MTOR: variants seen among roughly 807,000 people sequenced by gnomAD.
MTOR encodes serine/threonine-protein kinase mTOR.
MTOR carries 70 observed loss-of-function variants against 319.8 expected under a neutral mutation model. The ratio of observed to expected loss-of-function variants is 0.22; its 90% confidence interval spans 0.18 to 0.27. The LOEUF is 0.27. Ranked by LOEUF, MTOR falls within the 10% of genes least tolerant of loss-of-function variation. The pLI, the probability that MTOR is intolerant of heterozygous loss-of-function variation, is 1.00. For synonymous variants in MTOR, 1,183 were observed against 1,211.4 expected, an observed-to-expected ratio of 0.98 and a Z score of 0.49; for missense variants, 1,890 against 3,274.4, an observed-to-expected ratio of 0.58 and a Z score of 10.32.
chr1:11,232,932 T>C, intron 15 of MTOR: 1 of 716,446 alleles, frequency 1.4e-6, no homozygotes, highest in Non-Finnish European at 2.5e-6. Flanking sequence ...TTCTCCACCA[T>C]CATGGTGTGT....
rs1646331576 is a variant in MTOR at position 11,212,108 on chromosome 1, G to A, written c.3561+204C>T. Among the ~76,000 whole-genome samples the A allele has an allele frequency of 6.6e-6, 1 of 152,080 alleles. No homozygotes were observed. Among genetic ancestry groups the A allele is most frequent in the African/African-American group, 2.4e-5 (1 of 41,406 alleles). ...TCTATGAGAGCAAGGACTTTATTCT[G>A]TTTACCGTGTTACCCCCAGAACGGC... is the stretch of plus-strand genomic sequence containing the variant. On this transcript the variant is annotated intron_variant, in intron 23 of 57. Transcript: ENST00000361445. This position sits in a 1 kb window ranked among gnomAD's most constrained non-coding sequence, Gnocchi z 4.1.
At chr1:11,113,072 G>A (rs1051173239) in intron 53 of MTOR, among the ~76,000 whole-genome samples, 155 bp from the exon 54 acceptor site, 4 of 152,142 alleles carry the variant, frequency 2.6e-5, no homozygotes, top group African/African-American at 9.7e-5. Context: ...TAAGTGGGTG[G>A]GTATTAGCAT....
Position 11,146,715 on chromosome 1 carries a change from C to G in MTOR, c.4647G>C (p.Val1549=), listed in dbSNP as rs771934777. Residue 1549 remains valine, a synonymous_variant, in exon 32 of 58, where the codon GTG becomes GTC. Coordinates refer to ENST00000361445, the MANE Select transcript of MTOR (RefSeq NM_004958.4). ...AGAAGAGGTCCTGATGCAGTGCCAGCACAGCTCTATAAAATGCCCCATCAT... is the reference window on the plus strand; with the variant it reads ...AGAAGAGGTCCTGATGCAGTGCCAGGACAGCTCTATAAAATGCCCCATCAT... ...DTHDGAFYRA[V]LALHQDLFSL... 1 of 1,613,980 alleles carries G rather than the reference C, an allele frequency of 6.2e-7. No individual in the cohort carries two copies. The highest frequency in any genetic ancestry group is 1.3e-5 in the African/African-American group (1 of 74,892).
At chr1:11,138,748 T>C (rs993236249) in intron 36 of MTOR, among the ~76,000 whole-genome samples, 2 of 152,200 alleles carry the variant, frequency 1.3e-5, no homozygotes, top group African/African-American at 4.8e-5. Flanking sequence ...TCCAGGCAGA[T>C]TGTTTAAAGA....
chr1:11,124,415 T>A (rs760052948), intron 47 of MTOR, 83 bp downstream of exon 47: 10 of 1,526,062 alleles, frequency 6.6e-6, no homozygotes, highest in African/African-American at 1.4e-5. Flanking sequence ...TTTGTTAAGA[T>A]ATAATACATG....
intron 29 of MTOR, among the ~76,000 whole-genome samples, chr1:11,162,483 C>CA (rs1457089223): frequency 3.3e-5 from 5 of 152,170 alleles, no homozygotes; most frequent in African/African-American, 1.2e-4. Flanking sequence ...ACATAATTGT[C>CA]AGATTCACCA....
At chr1:11,246,247 G>A (rs1355736164) in intron 8 of MTOR, among the ~76,000 whole-genome samples, 1 of 152,184 alleles carries the variant, frequency 6.6e-6, no homozygotes. Context: ...CTGAGCCTTT[G>A]TATCCTGCTG....
intron 30 of MTOR, 67 bp from the exon 31 acceptor site, chr1:11,150,293 G>A: frequency 7.2e-7 from 1 of 1,393,334 alleles, no homozygotes; most frequent in Non-Finnish European, 9.9e-7. Context: ...TTCCTCTCCT[G>A]CCCCTTGGGT....
At chr1:11,245,819 A>G (rs1648734457) in intron 8 of MTOR, among the ~76,000 whole-genome samples, 1 of 152,104 alleles carries the variant, frequency 6.6e-6, no homozygotes, top group Admixed American at 6.6e-5. Flanking sequence ...CTGAGGTGAG[A>G]GGATCGCTTG....
chr1:11,251,651 G>GTTTATTTTTTT (rs1649694947), intron 6 of MTOR, among the ~76,000 whole-genome samples: 1 of 130,822 alleles, frequency 7.6e-6, no homozygotes, highest in African/African-American at 3.0e-5. Flanking sequence ...TATTTAGATA[G>GTTTATTTTTTT]TTTCTTTTTT....
Position 11,107,302 on chromosome 1 carries a change from ATTC to A in MTOR, c.*180_*182del, listed in dbSNP as rs2100275473. 1.9e-5 allele frequency: 28 copies of A among 1,474,686 alleles called. No individual in the cohort carries two copies. Among genetic ancestry groups the A allele is most frequent in the African/African-American group, 2.8e-5 (2 of 70,500 alleles). 91.4% of individuals were successfully genotyped at this position (1,474,686 alleles called of 1,614,324 possible). A position where few individuals can be genotyped will look rare whatever the true frequency, so the allele number is the denominator to read the frequency against. ...TCAAGCCTTGTGTTTCTGACAATAT[ATTC>A]TTCAACAGCAGCTAGAAAGTTGGTT... On this transcript the variant is annotated 3_prime_UTR_variant, in exon 58 of 58. Transcript: ENST00000361445.
At position 11,220,641 on chromosome 1, in the gene MTOR, G is replaced by A. The variant is rs566627429; in HGVS notation, c.3031-4407C>T. ...AGATGGAGGAAGGGGGCCTAGGAAC[G>A]CAGGCACCCTCTAAAACAAGCTTGT... On this transcript the variant is annotated intron_variant, in intron 19 of 57. Coordinates refer to ENST00000361445, the MANE Select transcript of MTOR (RefSeq NM_004958.4). Among the ~76,000 whole-genome samples, 86 of 152,272 alleles carry A rather than the reference G, an allele frequency of 5.6e-4. 1 individual carries two copies. Among genetic ancestry groups the A allele is most frequent in the African/African-American group, 2.0e-3 (83 of 41,556 alleles).
In MTOR at chr1:11,133,870, G is replaced by A. The variant is rs948041005; in HGVS notation, c.5246+481C>T. ...AGCACAGGAGTTTGAGACCAGCCTG[G>A]GCAACATTAAACTTGTAGGAGGAAA... On this transcript the variant is annotated intron_variant, in intron 37 of 57. Coordinates refer to ENST00000361445, the MANE Select transcript of MTOR (RefSeq NM_004958.4). The surrounding 1 kb of genome is among the most constrained non-coding windows in gnomAD (Gnocchi z 4.0). Among the ~76,000 whole-genome samples, 1 of 152,112 alleles carries A rather than the reference G, an allele frequency of 6.6e-6. No individual in the cohort carries two copies.
At chr1:11,111,342 A>G (rs576268904) in intron 54 of MTOR, among the ~76,000 whole-genome samples, 33 of 152,138 alleles carry the variant, frequency 2.2e-4, no homozygotes, top group South Asian at 6.2e-4. Flanking sequence ...TTAGCTGAGC[A>G]TGGTGGCATG....
intron 19 of MTOR, among the ~76,000 whole-genome samples, chr1:11,216,653 TAA>T (rs34042645): frequency 2.9e-3 from 383 of 134,000 alleles, no homozygotes; most frequent in Middle Eastern, 7.4e-3. Flanking sequence ...CCCTGTCTCT[TAA>T]AAAAAAAAAA....
chr1:11,146,384 AT>A (rs1192537140), intron 32 of MTOR, among the ~76,000 whole-genome samples: 1 of 152,200 alleles, frequency 6.6e-6, no homozygotes, highest in African/African-American at 2.4e-5. Context: ...TTTTGGTGAA[AT>A]ACAGCTTCTC....
intron 28 of MTOR, chr1:11,189,657 G>T (rs1645447829): frequency 6.2e-7 from 1 of 1,614,164 alleles, no homozygotes; most frequent in Non-Finnish European, 8.5e-7. Context: ...CAGCGTGGCT[G>T]CAGAAGCTCT....
chr1:11,147,289 A>G (rs1312226774), intron 31 of MTOR, among the ~76,000 whole-genome samples: 3 of 152,070 alleles, frequency 2.0e-5, no homozygotes, highest in African/African-American at 7.2e-5. Context: ...CATTCTGGCA[A>G]TATCTTTGCC....
At chr1:11,195,596 G>C (rs28918370) in intron 28 of MTOR, 1 of 154,452 alleles carries the variant, frequency 6.5e-6, no homozygotes, top group East Asian at 1.9e-4. Context: ...CTGGACTTGC[G>C]GGGAGGAAAC....
Sources: allele counts gnomAD v4.1 joint callset (sites outside exome capture counted in the v4.1 genomes callset), GRCh38; gene constraint gnomAD v4.1.1; non-coding constraint Gnocchi (gnomAD v3.1); transcripts MANE v1.5; gene names NCBI Gene and HGNC (gene_info 2026-07-23, HGNC 2026-07-21).